The following GABRG3 variants were observed in gnomAD, a reference collection of about 807,000 sequenced individuals.
GABRG3 encodes the protein gamma-aminobutyric acid type A receptor subunit gamma3.
In GABRG3, 25 loss-of-function variants were observed where a neutral mutation model predicts 48.8. The observed-to-expected ratio is 0.51, with a 90% CI of 0.37 to 0.72. The LOEUF (loss-of-function observed/expected upper bound fraction) is 0.72. Among genes scored for constraint, GABRG3 ranks in the 30% least tolerant of loss-of-function variants. The pLI, the probability that GABRG3 is intolerant of heterozygous loss-of-function variation, is 0.00. For missense variants in GABRG3, 394 were observed against 577.9 expected, an observed-to-expected ratio of 0.68 and a Z score of 3.26; for synonymous variants, 227 against 217.6, an observed-to-expected ratio of 1.04 and a Z score of -0.38.
chr15:27,311,382 A>C (rs879537598), intron 3 of GABRG3, among the ~76,000 whole-genome samples: 1 of 152,132 alleles, frequency 6.6e-6, no homozygotes, highest in Non-Finnish European at 1.5e-5. Flanking sequence ...TGGACTATGC[A>C]TCCAGAACCC....
chr15:27,043,598 G>A (rs150764865), intron 3 of GABRG3, among the ~76,000 whole-genome samples: 5 of 152,122 alleles, frequency 3.3e-5, no homozygotes, highest in African/African-American at 9.7e-5. Flanking sequence ...TTTTCTGCCC[G>A]CAGAGCCCCC....
intron 3 of GABRG3, among the ~76,000 whole-genome samples, chr15:27,076,782 A>C (rs1896917650): frequency 6.6e-6 from 1 of 152,184 alleles, no homozygotes; most frequent in African/African-American, 2.4e-5. Context: ...GGCCATCAGA[A>C]GCCGGAAGAA....
At chr15:27,217,953 G>A (rs774764925) in intron 3 of GABRG3, among the ~76,000 whole-genome samples, 9 of 152,096 alleles carry the variant, frequency 5.9e-5, no homozygotes, top group South Asian at 2.1e-4. Flanking sequence ...GTAGGGAGGC[G>A]GAGGAGAACC....
chr15:27,207,411 G>A (rs1010185412), intron 3 of GABRG3, among the ~76,000 whole-genome samples: 6 of 152,234 alleles, frequency 3.9e-5, no homozygotes, highest in African/African-American at 1.4e-4. Context: ...CCGAACTCAA[G>A]CCTTCCAAAG....
intron 3 of GABRG3, among the ~76,000 whole-genome samples, chr15:27,120,111 C>G (rs1458619562): frequency 6.6e-6 from 1 of 152,182 alleles, no homozygotes; most frequent in Non-Finnish European, 1.5e-5. Context: ...TCACTGCTAA[C>G]AGGAAATGTC....
At chr15:27,350,634 C>G (rs1894532247) in intron 5 of GABRG3, among the ~76,000 whole-genome samples, 1 of 152,094 alleles carries the variant, frequency 6.6e-6, no homozygotes, top group Non-Finnish European at 1.5e-5. Flanking sequence ...TCCAGCGCAT[C>G]AACACCACCA....
intron 5 of GABRG3, among the ~76,000 whole-genome samples, chr15:27,440,045 C>T (rs1888737232): frequency 6.6e-6 from 1 of 152,266 alleles, no homozygotes. Context: ...CTCTGCCCGT[C>T]CCACTTCTCT....
intron 3 of GABRG3, among the ~76,000 whole-genome samples, chr15:27,297,129 GGATGTAGAGAAATAAAT>G (rs1566761808): frequency 6.6e-6 from 1 of 151,958 alleles, no homozygotes; most frequent in Admixed American, 6.6e-5. Flanking sequence ...TATAGAATAA[GGATGTAGAGAAATAAAT>G]CGTTTTTGTA....
intron 5 of GABRG3, among the ~76,000 whole-genome samples, chr15:27,406,943 T>C (rs1287252282): frequency 6.6e-6 from 1 of 152,116 alleles, no homozygotes; most frequent in Non-Finnish European, 1.5e-5. Context: ...TTGTTGTTGT[T>C]TTGAGACAGA....
chr15:27,037,496 T>C (rs930593492), intron 3 of GABRG3, among the ~76,000 whole-genome samples: 1 of 152,174 alleles, frequency 6.6e-6, no homozygotes, highest in African/African-American at 2.4e-5. Flanking sequence ...ATCAGAGTCT[T>C]GGACTGCTTC....
At chr15:27,129,251 C>T (rs1897874287) in intron 3 of GABRG3, among the ~76,000 whole-genome samples, 1 of 152,172 alleles carries the variant, frequency 6.6e-6, no homozygotes, top group Admixed American at 6.5e-5. Context: ...CCACATTCTA[C>T]TTTCTGTCTC....
At chr15:27,467,923 G>A (rs975799393) in intron 5 of GABRG3, among the ~76,000 whole-genome samples, 1 of 152,098 alleles carries the variant, frequency 6.6e-6, no homozygotes, top group African/African-American at 2.4e-5. Flanking sequence ...TTTACATTGG[G>A]CACCACACTG....
intron 3 of GABRG3, among the ~76,000 whole-genome samples, chr15:27,313,296 A>ATATATATATATATATATATATATATG (rs1893090218): frequency 8.9e-6 from 1 of 112,706 alleles, no homozygotes; most frequent in Non-Finnish European, 1.8e-5. Flanking sequence ...ATATATATAT[A>ATATATATATATATATATATATATATG]TATATATATA....
At chr15:27,047,126 C>T (rs756677483) in intron 3 of GABRG3, among the ~76,000 whole-genome samples, 1 of 152,144 alleles carries the variant, frequency 6.6e-6, no homozygotes, top group Non-Finnish European at 1.5e-5. Context: ...ACCACATACT[C>T]ATTTTAAATC....
At chr15:27,451,754 G>A (rs2140641830) in intron 5 of GABRG3, among the ~76,000 whole-genome samples, 1 of 152,218 alleles carries the variant, frequency 6.6e-6, no homozygotes, top group South Asian at 2.1e-4. Flanking sequence ...GAAAATCTAT[G>A]GATTGGGGGA....
At chr15:27,119,892 T>A (rs367819951) in intron 3 of GABRG3, among the ~76,000 whole-genome samples, 47 of 152,256 alleles carry the variant, frequency 3.1e-4, no homozygotes, top group African/African-American at 8.9e-4. Flanking sequence ...CTAGAGCACA[T>A]CTGCTAGCAA....
intron 2 of GABRG3, among the ~76,000 whole-genome samples, chr15:27,001,190 T>C (rs1213326306): frequency 2.0e-5 from 3 of 152,234 alleles, no homozygotes; most frequent in Admixed American, 1.3e-4. Flanking sequence ...TTGAAAAACA[T>C]TGTTTCATAT....
intron 5 of GABRG3, among the ~76,000 whole-genome samples, chr15:27,379,181 A>G (rs530581079): frequency 2.0e-5 from 3 of 152,190 alleles, no homozygotes; most frequent in Non-Finnish European, 2.9e-5. Context: ...AGAATTTTAT[A>G]AGATTCCATT....
chr15:27,028,792 C>A (rs907919426), intron 3 of GABRG3, among the ~76,000 whole-genome samples: 4 of 125,210 alleles, frequency 3.2e-5, no homozygotes, highest in Non-Finnish European at 4.8e-5. Context: ...GGTGACAGAG[C>A]TAGACTTCAT....
Sources: allele counts gnomAD v4.1 joint callset (sites outside exome capture counted in the v4.1 genomes callset), GRCh38; gene constraint gnomAD v4.1.1; transcripts MANE v1.5; gene names NCBI Gene and HGNC (gene_info 2026-07-23, HGNC 2026-07-21).